Variants in ELOVL2 observed in about 807,000 individuals in gnomAD.
ELOVL2 encodes the protein ELOVL fatty acid elongase 2.
In ELOVL2, 38 loss-of-function variants were observed where a neutral mutation model predicts 37.7. The observed-to-expected ratio is 1.01, with a 90% CI of 0.78 to 1.32. The LOEUF is 1.32. Ranked by LOEUF, ELOVL2 falls within the 40% of genes most tolerant of loss-of-function variation. The probability of loss-of-function intolerance (pLI) is 0.00; values close to 1 mark genes in which losing one functional copy is unlikely to be tolerated. For synonymous variants in ELOVL2, 115 were observed against 122.3 expected, an observed-to-expected ratio of 0.94 and a Z score of 0.40; for missense variants, 352 against 363.6, an observed-to-expected ratio of 0.97 and a Z score of 0.26.
intron 1 of ELOVL2, among the ~76,000 whole-genome samples, chr6:11,023,312 A>G (rs1782791792): frequency 6.6e-6 from 1 of 152,220 alleles, no homozygotes; most frequent in African/African-American, 2.4e-5. Context: ...GTTATCAAGT[A>G]CTGACCAGAG....
chr6:11,020,574 T>C (rs1476552561), intron 1 of ELOVL2, among the ~76,000 whole-genome samples: 1 of 152,166 alleles, frequency 6.6e-6, no homozygotes, highest in East Asian at 1.9e-4. Context: ...TTTAGCTCTT[T>C]AGTTACTCCA....
intron 1 of ELOVL2, among the ~76,000 whole-genome samples, chr6:11,037,169 A>AGAGG (rs2113566943): frequency 7.1e-6 from 1 of 141,176 alleles, no homozygotes; most frequent in East Asian, 3.1e-4. Context: ...AGGGAAAGAG[A>AGAGG]CAAGAGAGGC....
chr6:11,022,379 G>A (rs896241202), intron 1 of ELOVL2, among the ~76,000 whole-genome samples: 2 of 152,174 alleles, frequency 1.3e-5, no homozygotes, highest in African/African-American at 2.4e-5. Context: ...GTGGATATGG[G>A]GGTCTTACCC....
chr6:11,010,275 G>C (rs1190009671), intron 2 of ELOVL2, among the ~76,000 whole-genome samples: 5 of 151,940 alleles, frequency 3.3e-5, no homozygotes, highest in Non-Finnish European at 7.4e-5. Context: ...GCCCACCTCA[G>C]CCTCCCAAAG....
intron 1 of ELOVL2, among the ~76,000 whole-genome samples, chr6:11,024,350 T>C (rs1561725841): frequency 6.6e-6 from 1 of 152,210 alleles, no homozygotes; most frequent in Non-Finnish European, 1.5e-5. Flanking sequence ...TTTTATGAAA[T>C]ACTACTATCC....
intron 7 of ELOVL2, among the ~76,000 whole-genome samples, chr6:10,987,873 G>A (rs765568996): frequency 1.3e-5 from 2 of 151,232 alleles, no homozygotes; most frequent in Non-Finnish European, 2.9e-5. Context: ...ACCTGATCTC[G>A]CATCTCATTT....
intron 3 of ELOVL2, among the ~76,000 whole-genome samples, chr6:11,001,114 C>T (rs1482337146): frequency 2.0e-5 from 3 of 152,088 alleles, no homozygotes; most frequent in Non-Finnish European, 4.4e-5. Flanking sequence ...TACACAATAT[C>T]CATTAAAATA....
chr6:10,986,806 TTC>T (rs1782061091), intron 7 of ELOVL2, among the ~76,000 whole-genome samples: 1 of 152,198 alleles, frequency 6.6e-6, no homozygotes, highest in Non-Finnish European at 1.5e-5. Flanking sequence ...TGGTCTAAAA[TTC>T]TCTTTTTTGG....
At chr6:11,010,222 C>T (rs1050433328) in intron 2 of ELOVL2, among the ~76,000 whole-genome samples, 11 of 152,058 alleles carry the variant, frequency 7.2e-5, no homozygotes, top group African/African-American at 2.7e-4. Flanking sequence ...CGGGGTTTCA[C>T]CATGTTGGTC....
At chr6:11,008,705 G>C (rs996149087) in intron 2 of ELOVL2, among the ~76,000 whole-genome samples, 13 of 152,116 alleles carry the variant, frequency 8.5e-5, no homozygotes, top group African/African-American at 3.1e-4. Context: ...AGAAGATAAA[G>C]ATATTCTGCC....
intron 2 of ELOVL2, among the ~76,000 whole-genome samples, chr6:11,007,887 GTTTTC>G (rs1225032729): frequency 6.6e-6 from 1 of 152,132 alleles, no homozygotes; most frequent in East Asian, 1.9e-4. Context: ...TGAGGTTTTT[GTTTTC>G]TTTTGTCACA....
At chr6:10,996,847 T>TA (rs1171855071) in intron 4 of ELOVL2, among the ~76,000 whole-genome samples, 1 of 150,962 alleles carries the variant, frequency 6.6e-6, no homozygotes, top group Non-Finnish European at 1.5e-5. Flanking sequence ...CCGTCTCTAT[T>TA]AAAAATACAA....
At chr6:10,992,790 AAAAAC>A (rs1554110936) in intron 5 of ELOVL2, among the ~76,000 whole-genome samples, 2 of 123,734 alleles carry the variant, frequency 1.6e-5, no homozygotes, top group African/African-American at 7.1e-5. Flanking sequence ...CCATCTCAAA[AAAAAC>A]AAAACAAAAA....
rs1783163404 is a variant in ELOVL2, at chr6:11,044,013, C to T, written c.3+215G>A. Among the ~76,000 whole-genome samples, 1 of 151,440 alleles carries T rather than the reference C, an allele frequency of 6.6e-6. No homozygotes were observed. Among genetic ancestry groups the T allele is most frequent in the African/African-American group, 2.4e-5 (1 of 41,254 alleles). ...GGACCGAGACAAAGTTCCCGAGACC[C>T]GCGGGCCTCGGGCCGACCCGCGCGC... On this transcript the variant is annotated intron_variant, in intron 1 of 7. Transcript: ENST00000354666. This position sits in a 1 kb window ranked among gnomAD's most constrained non-coding sequence, Gnocchi z 5.6.
intron 1 of ELOVL2, among the ~76,000 whole-genome samples, chr6:11,017,251 T>C (rs77460697): frequency 0.03 from 4,573 of 152,298 alleles, 107 homozygotes; most frequent in South Asian, 0.047. Flanking sequence ...GTTGTCACAA[T>C]AACCTTGCAA....
At chr6:11,009,206 T>A (rs1301160893) in intron 2 of ELOVL2, among the ~76,000 whole-genome samples, 1 of 152,028 alleles carries the variant, frequency 6.6e-6, no homozygotes, top group Non-Finnish European at 1.5e-5. Flanking sequence ...TAAACAAGGG[T>A]TGAAACAGAA....
chr6:11,027,002 G>A (rs1226449420), intron 1 of ELOVL2, among the ~76,000 whole-genome samples: 1 of 152,068 alleles, frequency 6.6e-6, no homozygotes, highest in East Asian at 1.9e-4. Context: ...TTTGTAGTGA[G>A]AACACTTAAC....
intron 5 of ELOVL2, among the ~76,000 whole-genome samples, chr6:10,993,653 G>C (rs1340800103): frequency 2.6e-5 from 4 of 151,978 alleles, no homozygotes; most frequent in African/African-American, 9.7e-5. Context: ...ATATTGCTTT[G>C]GTTGAATATA....
At chr6:11,017,767 C>T (rs1254264075) in intron 1 of ELOVL2, among the ~76,000 whole-genome samples, 6 of 152,246 alleles carry the variant, frequency 3.9e-5, no homozygotes, top group African/African-American at 7.2e-5. Flanking sequence ...CTTTACAGCA[C>T]GTATTACCCA....
Sources: gnomAD v4.1 joint callset for allele counts (sites outside exome capture counted in the v4.1 genomes callset) on GRCh38, gnomAD v4.1.1 for gene constraint, Gnocchi (gnomAD v3.1) non-coding constraint, MANE v1.5 for transcripts, NCBI Gene and HGNC (gene_info 2026-07-23, HGNC 2026-07-21) for gene names.